Variants in SPECC1 observed in about 807,000 individuals in gnomAD.
SPECC1 encodes cytospin-B.
Under a neutral mutation model 104.1 loss-of-function variants are expected in SPECC1, and 62 were observed. The ratio of observed to expected loss-of-function variants is 0.60; its 90% CI spans 0.49 to 0.74. The LOEUF is 0.74. Ranked by LOEUF, SPECC1 falls within the 30% of genes least tolerant of loss-of-function variation. SPECC1 has a pLI of 0.00. For synonymous variants in SPECC1, 513 were observed against 501.6 expected (o/e 1.02, Z -0.30); for missense variants, 1,306 against 1,310.5 (o/e 1.00, Z 0.05).
At chr17:20,075,684 G>A (rs1415616970) in intron 1 of SPECC1, among the ~76,000 whole-genome samples, 1 of 152,074 alleles carries the variant, frequency 6.6e-6, no homozygotes, top group African/African-American at 2.4e-5. Context: ...CGTAGGTCAT[G>A]CCTCTAATCC....
intron 7 of SPECC1, among the ~76,000 whole-genome samples, chr17:20,245,157 G>A (rs977863760): frequency 2.0e-5 from 3 of 152,182 alleles, no homozygotes; most frequent in Non-Finnish European, 4.4e-5. Context: ...GTTGGCTTAG[G>A]CAGAAAGGTG....
chr17:20,231,089 G>A (rs1039384759), intron 5 of SPECC1, among the ~76,000 whole-genome samples: 3 of 152,214 alleles, frequency 2.0e-5, no homozygotes, highest in African/African-American at 7.2e-5. Context: ...ATAGCCAGAT[G>A]GAGAGAATTG....
At chr17:20,163,330 A>C (rs1007123621) in intron 3 of SPECC1, among the ~76,000 whole-genome samples, 1 of 152,202 alleles carries the variant, frequency 6.6e-6, no homozygotes, top group African/African-American at 2.4e-5. Flanking sequence ...AATGCAGTAA[A>C]ATTTAATAAG....
At chr17:20,094,024 A>T (rs1185422134) in intron 1 of SPECC1, among the ~76,000 whole-genome samples, 1 of 151,912 alleles carries the variant, frequency 6.6e-6, no homozygotes, top group Non-Finnish European at 1.5e-5. Context: ...AGCCACTCCC[A>T]GCCTATATTG....
intron 4 of SPECC1, among the ~76,000 whole-genome samples, chr17:20,218,109 T>C (rs1203359204): frequency 6.6e-6 from 1 of 152,254 alleles, no homozygotes; most frequent in Admixed American, 6.5e-5. Context: ...TATATTGGTC[T>C]TTCATGTATT....
At chr17:20,068,544 T>G (rs996663747) in intron 1 of SPECC1, among the ~76,000 whole-genome samples, 3 of 152,206 alleles carry the variant, frequency 2.0e-5, no homozygotes, top group African/African-American at 7.2e-5. Context: ...GGGTGTAACT[T>G]TTTGAGGGAC....
intron 2 of SPECC1, among the ~76,000 whole-genome samples, chr17:20,107,807 T>C (rs1262504674): frequency 6.6e-6 from 1 of 152,148 alleles, no homozygotes; most frequent in Non-Finnish European, 1.5e-5. Context: ...ATTATAGGCA[T>C]GAGCCACTGC....
chr17:20,036,809 T>A (rs1432945979), intron 1 of SPECC1, among the ~76,000 whole-genome samples: 1 of 152,198 alleles, frequency 6.6e-6, no homozygotes, highest in Non-Finnish European at 1.5e-5. Context: ...TTCCCTTTCT[T>A]ATCGTTTTGC....
At chr17:20,247,875 A>G (rs1457006557) in intron 9 of SPECC1, among the ~76,000 whole-genome samples, 2 of 152,242 alleles carry the variant, frequency 1.3e-5, no homozygotes, top group Non-Finnish European at 2.9e-5. Context: ...AATTTAATAC[A>G]GGGATTTTGG....
intron 3 of SPECC1, among the ~76,000 whole-genome samples, chr17:20,114,639 T>C (rs1384658955): frequency 6.6e-6 from 1 of 152,158 alleles, no homozygotes; most frequent in Non-Finnish European, 1.5e-5. Flanking sequence ...GTTAGCTGTG[T>C]CCACAGGGTT....
At chr17:20,172,024 T>G (rs1183389954) in intron 3 of SPECC1, among the ~76,000 whole-genome samples, 1 of 152,200 alleles carries the variant, frequency 6.6e-6, no homozygotes, top group African/African-American at 2.4e-5. Flanking sequence ...ATTTTGAGCT[T>G]CTCTGGAGCT....
At chr17:20,245,452 G>C (rs1032488507) in intron 7 of SPECC1, among the ~76,000 whole-genome samples, 2 of 152,016 alleles carry the variant, frequency 1.3e-5, no homozygotes, top group African/African-American at 4.8e-5. Flanking sequence ...CTGATTGGTG[G>C]AACTTAAATC....
chr17:20,096,541 G>A, intron 1 of SPECC1, 90 bp from the exon 2 acceptor site: 1 of 1,386,614 alleles, frequency 7.2e-7, no homozygotes, highest in South Asian at 1.4e-5. Context: ...ATAGTTCATG[G>A]TGACGTGGTA....
At chr17:20,023,986 C>T (rs2044501414) in intron 1 of SPECC1, among the ~76,000 whole-genome samples, 2 of 151,970 alleles carry the variant, frequency 1.3e-5, no homozygotes, top group African/African-American at 2.4e-5. Context: ...ATACAAATAT[C>T]CTAAATAGCA....
At chr17:20,236,750 C>A in intron 7 of SPECC1, 1 of 1,411,410 alleles carries the variant, frequency 7.1e-7, no homozygotes, top group Non-Finnish European at 9.8e-7. Context: ...TGGACATTAG[C>A]TTTTCCCTGT....
At chr17:20,123,990 G>T (rs2049162670) in intron 3 of SPECC1, among the ~76,000 whole-genome samples, 1 of 152,214 alleles carries the variant, frequency 6.6e-6, no homozygotes, top group Non-Finnish European at 1.5e-5. Flanking sequence ...GGGGCTGAAA[G>T]AAAACCATGG....
At chr17:20,024,265 T>G (rs1171201114) in intron 1 of SPECC1, among the ~76,000 whole-genome samples, 2 of 152,188 alleles carry the variant, frequency 1.3e-5, no homozygotes, top group Non-Finnish European at 2.9e-5. Context: ...CGTGGCTGAG[T>G]TTACCACTTT....
intron 9 of SPECC1, among the ~76,000 whole-genome samples, chr17:20,250,298 T>G (rs985350207): frequency 6.6e-6 from 1 of 152,222 alleles, no homozygotes; most frequent in African/African-American, 2.4e-5. Flanking sequence ...CTAGGATACT[T>G]GCAGTGAAAA....
intron 3 of SPECC1, among the ~76,000 whole-genome samples, chr17:20,128,819 A>G (rs948543487): frequency 6.6e-6 from 1 of 152,116 alleles, no homozygotes; most frequent in Non-Finnish European, 1.5e-5. Context: ...TAATTTTAAA[A>G]TAATTTTTCT....
Sources: allele counts gnomAD v4.1 joint callset (sites outside exome capture counted in the v4.1 genomes callset), GRCh38; gene constraint gnomAD v4.1.1; transcripts MANE v1.5; gene names NCBI Gene and HGNC (gene_info 2026-07-23, HGNC 2026-07-21).